PPM1B: variants seen among roughly 807,000 people sequenced by gnomAD.
The protein encoded by PPM1B is protein phosphatase 1B.
PPM1B carries 22 observed loss-of-function variants against 43.0 expected under a neutral mutation model. The ratio of observed to expected loss-of-function variants is 0.51; its 90% confidence interval spans 0.37 to 0.73. The LOEUF is 0.73. Ranked by LOEUF, PPM1B falls within the 30% of genes least tolerant of loss-of-function variation. The probability of loss-of-function intolerance (pLI) is 0.00; values close to 1 mark genes in which losing one functional copy is unlikely to be tolerated. For missense variants in PPM1B, 632 were observed against 584.2 expected (o/e 1.08, Z -0.84); for synonymous variants, 217 against 197.9 (o/e 1.10, Z -0.81).
chr2:44,211,180 G>A (rs1669449357), intron 3 of PPM1B, among the ~76,000 whole-genome samples: 1 of 152,118 alleles, frequency 6.6e-6, no homozygotes, highest in African/African-American at 2.4e-5. Context: ...ATATTACTTT[G>A]TAATCCACAG....
At chr2:44,212,349 A>T (rs763958098) in intron 3 of PPM1B, among the ~76,000 whole-genome samples, 1 of 152,144 alleles carries the variant, frequency 6.6e-6, no homozygotes, top group Non-Finnish European at 1.5e-5. Flanking sequence ...ACTCTCATGC[A>T]TATGCCTTCC....
At chr2:44,174,270 G>A (rs898308021) in intron 1 of PPM1B, among the ~76,000 whole-genome samples, 1 of 152,016 alleles carries the variant, frequency 6.6e-6, no homozygotes, top group Non-Finnish European at 1.5e-5. Flanking sequence ...AAATTGTTTT[G>A]CATCCTTGTG....
At chr2:44,246,849 G>T (rs1572773488), downstream of PPM1B, among the ~76,000 whole-genome samples, 2 of 151,956 alleles carry the variant, frequency 1.3e-5, no homozygotes, top group East Asian at 3.9e-4. Flanking sequence ...TGTTTTTATT[G>T]TTGTTTTATT....
chr2:44,178,399 C>T (rs1375223252), intron 1 of PPM1B, among the ~76,000 whole-genome samples: 5 of 149,964 alleles, frequency 3.3e-5, no homozygotes, highest in African/African-American at 1.2e-4. Context: ...CCAAAATTCT[C>T]TCCAATGTTG....
chr2:44,221,017 C>T (rs1669955161), intron 5 of PPM1B, among the ~76,000 whole-genome samples: 1 of 152,124 alleles, frequency 6.6e-6, no homozygotes, highest in African/African-American at 2.4e-5. Context: ...GCCTTTTGAA[C>T]ATCATTTTAG....
At chr2:44,232,640 ATG>A (rs1193418738), downstream of PPM1B, 7 of 1,218,730 alleles carry the variant, frequency 5.7e-6, no homozygotes, top group Non-Finnish European at 7.2e-6. Context: ...CAAATCAACA[ATG>A]TGCCTGAGGT....
chr2:44,244,632 C>T (rs1670819401), downstream of PPM1B, among the ~76,000 whole-genome samples: 1 of 151,930 alleles, frequency 6.6e-6, no homozygotes, highest in African/African-American at 2.4e-5. Flanking sequence ...ACGGTTAAGA[C>T]CGTCTTCCGA....
chr2:44,230,595 G>A lies in PPM1B; in HGVS notation c.1317G>A (p.Ser439=), dbSNP rs1256452230. 4 of 1,614,008 alleles carry A rather than the reference G, an allele frequency of 2.5e-6. No individual in the cohort carries two copies. The highest frequency in any genetic ancestry group is 2.5e-6 in the Non-Finnish European group (3 of 1,180,002). ...AACCAGCTGCCACAGCTACTTCTTC[G>A]AACAGTGATGCTGGAAACCCAGTGA... ...PAEPAATATS[S]NSDAGNPVTM... Residue 439 remains serine, a synonymous_variant, in exon 6 of 6, where the codon TCG becomes TCA. Coordinates refer to ENST00000282412, the MANE Select transcript of PPM1B (RefSeq NM_002706.6).
chr2:44,214,246 A>G (rs1247195973), intron 3 of PPM1B, among the ~76,000 whole-genome samples: 1 of 151,968 alleles, frequency 6.6e-6, no homozygotes, highest in Non-Finnish European at 1.5e-5. Flanking sequence ...TGCCTGGCTA[A>G]TTTTTTGTAT....
At chr2:44,223,595 G>T (rs1281183438) in intron 5 of PPM1B, among the ~76,000 whole-genome samples, 1 of 151,844 alleles carries the variant, frequency 6.6e-6, no homozygotes, top group Non-Finnish European at 1.5e-5. Context: ...GGATCACGAG[G>T]TCAGGAGATC....
At chr2:44,185,937 G>A (rs1234869406) in intron 1 of PPM1B, among the ~76,000 whole-genome samples, 1 of 152,122 alleles carries the variant, frequency 6.6e-6, no homozygotes, top group Non-Finnish European at 1.5e-5. Context: ...AAGAGGGGAG[G>A]ACTTAAATAA....
At chr2:44,234,660 C>G (rs1264446702), downstream of PPM1B, 3 of 977,346 alleles carry the variant, frequency 3.1e-6, no homozygotes, top group African/African-American at 1.8e-5. Context: ...CCTAGCCTGG[C>G]TATTCTCAAG....
chr2:44,210,858 C>G (rs6544747), intron 3 of PPM1B, among the ~76,000 whole-genome samples: 29,207 of 152,032 alleles, frequency 0.19, 2,911 homozygotes, highest in South Asian at 0.25. Flanking sequence ...AGGAAATTGA[C>G]CCAGCACGGT....
chr2:44,222,279 A>C (rs1670012013), intron 5 of PPM1B, among the ~76,000 whole-genome samples: 1 of 152,146 alleles, frequency 6.6e-6, no homozygotes, highest in African/African-American at 2.4e-5. Context: ...ATATTTTTTG[A>C]ATAGGAAATA....
intron 2 of PPM1B, among the ~76,000 whole-genome samples, chr2:44,203,553 A>G (rs2104141320): frequency 6.6e-6 from 1 of 152,240 alleles, no homozygotes; most frequent in South Asian, 2.1e-4. Context: ...AAATTTTGCC[A>G]TCCACCCTAA....
chr2:44,216,561 T>C (rs1003157353), intron 3 of PPM1B, among the ~76,000 whole-genome samples: 1 of 152,164 alleles, frequency 6.6e-6, no homozygotes, highest in African/African-American at 2.4e-5. Flanking sequence ...TGTATTGCAG[T>C]GTACCTACTC....
chr2:44,234,362 T>C (rs372932552), downstream of PPM1B: 15 of 530,304 alleles, frequency 2.8e-5, no homozygotes, highest in East Asian at 1.8e-3. Context: ...CTACTAAAAA[T>C]ACAAAGATTA....
intron 1 of PPM1B, among the ~76,000 whole-genome samples, chr2:44,189,850 T>C (rs78717483): frequency 0.19 from 28,939 of 152,182 alleles, 2,868 homozygotes; most frequent in South Asian, 0.25. Context: ...GCATACCTCT[T>C]GCCCCCATTT....
intron 2 of PPM1B, among the ~76,000 whole-genome samples, chr2:44,206,878 A>G (rs185484334): frequency 9.7e-4 from 147 of 152,260 alleles, no homozygotes; most frequent in African/African-American, 3.4e-3. Flanking sequence ...TTGAATATCC[A>G]TGGTGTACTT....
Sources: gnomAD v4.1 joint callset for allele counts (sites outside exome capture counted in the v4.1 genomes callset) on GRCh38, gnomAD v4.1.1 for gene constraint, MANE v1.5 for transcripts, NCBI Gene and HGNC (gene_info 2026-07-23, HGNC 2026-07-21) for gene names.